The following SEC24B variants were observed in gnomAD, a reference collection of about 807,000 sequenced individuals.
SEC24B encodes the protein protein transport protein Sec24B.
In SEC24B, 45 loss-of-function variants were observed where a neutral mutation model predicts 142.8. The observed-to-expected ratio is 0.32, with a 90% CI of 0.25 to 0.40. SEC24B has a LOEUF of 0.40. Ranked by LOEUF, SEC24B falls within the 10% of genes least tolerant of loss-of-function variation. The pLI is 1.00. For missense variants in SEC24B, 1,409 were observed against 1,526.8 expected (o/e 0.92, Z 1.29); for synonymous variants, 574 against 568.2 (o/e 1.01, Z -0.15).
intron 1 of SEC24B, among the ~76,000 whole-genome samples, chr4:109,436,191 C>T (rs1728392815): frequency 1.3e-5 from 2 of 152,092 alleles, no homozygotes; most frequent in Admixed American, 1.3e-4. Flanking sequence ...GATCCTCACA[C>T]CTTATCCTCC....
chr4:109,470,372 G>A (rs554369795), intron 2 of SEC24B, among the ~76,000 whole-genome samples: 1 of 152,286 alleles, frequency 6.6e-6, no homozygotes, highest in East Asian at 1.9e-4. Context: ...TTCCACATGA[G>A]GTGTTGCTAG....
At chr4:109,529,096 G>T (rs1288067270) in intron 18 of SEC24B, among the ~76,000 whole-genome samples, 1 of 151,906 alleles carries the variant, frequency 6.6e-6, no homozygotes, top group East Asian at 1.9e-4. Context: ...CCGGGAGGCA[G>T]AGGTTGCAAT....
chr4:109,462,159 G>A (rs749088049), intron 1 of SEC24B, among the ~76,000 whole-genome samples: 3 of 152,108 alleles, frequency 2.0e-5, no homozygotes, highest in Admixed American at 6.5e-5. Flanking sequence ...TCATGCCATC[G>A]CGCTCTATAG....
chr4:109,532,155 C>T (rs574590301), intron 20 of SEC24B, among the ~76,000 whole-genome samples: 1 of 152,262 alleles, frequency 6.6e-6, no homozygotes, highest in Non-Finnish European at 1.5e-5. Context: ...CCACACCTGG[C>T]CAATATTGAC....
At chr4:109,519,967 G>T (rs1358046129) in intron 11 of SEC24B, among the ~76,000 whole-genome samples, 2 of 152,094 alleles carry the variant, frequency 1.3e-5, no homozygotes, top group African/African-American at 4.8e-5. Flanking sequence ...TCTTTGTATT[G>T]TAGCATCGAC....
intron 2 of SEC24B, among the ~76,000 whole-genome samples, chr4:109,465,733 A>G (rs1731789498): frequency 6.6e-6 from 1 of 152,226 alleles, no homozygotes; most frequent in Admixed American, 6.5e-5. Flanking sequence ...TCACTTGGCT[A>G]ATGAACAGAA....
chr4:109,444,003 A>G (rs577404465), intron 1 of SEC24B, among the ~76,000 whole-genome samples: 3 of 151,942 alleles, frequency 2.0e-5, no homozygotes, highest in Non-Finnish European at 2.9e-5. Flanking sequence ...TGGGTGGATC[A>G]CCTGAGGTCA....
At chr4:109,522,773 G>A (rs1198705824) in intron 14 of SEC24B, among the ~76,000 whole-genome samples, 1 of 152,188 alleles carries the variant, frequency 6.6e-6, no homozygotes, top group Non-Finnish European at 1.5e-5. Context: ...ATATATGTGT[G>A]TGTGTTTGAC....
chr4:109,443,509 T>C (rs1729125280), intron 1 of SEC24B, among the ~76,000 whole-genome samples: 1 of 152,200 alleles, frequency 6.6e-6, no homozygotes, highest in Non-Finnish European at 1.5e-5. Context: ...CCCAGAGTGC[T>C]GGGATTACAG....
At chr4:109,500,146 A>G (rs1735960377) in intron 6 of SEC24B, among the ~76,000 whole-genome samples, 1 of 152,252 alleles carries the variant, frequency 6.6e-6, no homozygotes, top group Non-Finnish European at 1.5e-5. Flanking sequence ...TGTAAAAGGA[A>G]GAACATTTTT....
intron 8 of SEC24B, 105 bp downstream of exon 8, chr4:109,510,216 G>T (rs1737174033): frequency 1.1e-5 from 6 of 526,072 alleles, no homozygotes; most frequent in Non-Finnish European, 1.9e-5. Flanking sequence ...TCTTTTATTT[G>T]AAGTTAGAAA....
Position 109,505,970 on chromosome 4 carries a change from A to G in SEC24B, c.1489-358A>G, listed in dbSNP as rs1050156313. On this transcript the variant is annotated intron_variant, in intron 6 of 23. Coordinates refer to ENST00000265175, the MANE Select transcript of SEC24B (RefSeq NM_006323.5). ...CTATTGAACACGATTGTACATTTCT[A>G]TGGTACCAACTCATTATTGTGAAAG... Among the ~76,000 whole-genome samples, 12 of 152,208 alleles carry G rather than the reference A, an allele frequency of 7.9e-5. No homozygotes were observed. In the South Asian group the frequency reaches 1.7e-3, roughly 21 times the overall value.
intron 5 of SEC24B, among the ~76,000 whole-genome samples, chr4:109,491,719 T>A (rs943590156): frequency 2.6e-5 from 4 of 152,210 alleles, no homozygotes; most frequent in African/African-American, 4.8e-5. Flanking sequence ...ATATTTCTAT[T>A]GTCATGCTTA....
intron 23 of SEC24B, 92 bp from the exon 24 acceptor site, chr4:109,539,469 G>C: frequency 1.4e-6 from 1 of 740,136 alleles, no homozygotes; most frequent in East Asian, 2.6e-5. Context: ...TAAATTTACA[G>C]GATACAAGTG....
rs1723546511 is a variant in SEC24B, at chr4:109,520,985, T to G, written c.2246-132T>G. The G allele has an allele frequency of 8.4e-6, 5 of 591,790 alleles. No homozygotes were observed. In the South Asian group the frequency reaches 9.0e-5, roughly 11 times the overall value. The allele number at this position is 591,790 out of a possible 1,614,324, so 36.7% of individuals were successfully genotyped here. On this transcript the variant is annotated intron_variant, in intron 12 of 23. Coordinates refer to ENST00000265175, the MANE Select transcript of SEC24B (RefSeq NM_006323.5). ...CCAGCCTGGGCAACAAGAGCAAAAC[T>G]CCATCTCAAAAAAATAAATAAAATA...
intron 7 of SEC24B, among the ~76,000 whole-genome samples, chr4:109,508,153 A>G (rs1294530909): frequency 6.6e-6 from 1 of 152,192 alleles, no homozygotes; most frequent in African/African-American, 2.4e-5. Flanking sequence ...ACAGAGTGTC[A>G]TGGATTATAG....
At chr4:109,439,110 A>T (rs914436745) in intron 1 of SEC24B, among the ~76,000 whole-genome samples, 2 of 152,210 alleles carry the variant, frequency 1.3e-5, no homozygotes, top group Non-Finnish European at 2.9e-5. Context: ...ATCCTTCCAT[A>T]TGCCCTTTTC....
At chr4:109,449,396 C>CTTTTTTTTTT in intron 1 of SEC24B, 1 of 301,192 alleles carries the variant, frequency 3.3e-6, no homozygotes. Flanking sequence ...GCTAATTTTT[C>CTTTTTTTTTT]TTTTTTTTTT....
intron 1 of SEC24B, among the ~76,000 whole-genome samples, chr4:109,453,633 C>T (rs1281807177): frequency 2.0e-5 from 3 of 151,950 alleles, no homozygotes. Context: ...TCTTAAGGTG[C>T]CCAGATTTCA....
Sources: allele counts gnomAD v4.1 joint callset (sites outside exome capture counted in the v4.1 genomes callset), GRCh38; gene constraint gnomAD v4.1.1; transcripts MANE v1.5; gene names NCBI Gene and HGNC (gene_info 2026-07-23, HGNC 2026-07-21).